SLC16A8: variants seen among roughly 807,000 people sequenced by gnomAD.
SLC16A8 encodes monocarboxylate transporter 3.
SLC16A8 carries 20 observed loss-of-function variants against 22.4 expected under a neutral mutation model. The ratio of observed to expected loss-of-function variants is 0.89; its 90% CI spans 0.63 to 1.30. The LOEUF (loss-of-function observed/expected upper bound fraction) is 1.30. Among genes scored for constraint, SLC16A8 ranks in the 50% most tolerant of loss-of-function variants. The probability of loss-of-function intolerance (pLI) is 0.00; values close to 1 mark genes in which losing one functional copy is unlikely to be tolerated. For synonymous variants in SLC16A8, 393 were observed against 358.8 expected, an observed-to-expected ratio of 1.10 and a Z score of -1.08; for missense variants, 817 against 740.3, an observed-to-expected ratio of 1.10 and a Z score of -1.20.
chr22:38,078,277 C>T lies in SLC16A8; in HGVS notation c.*111G>A, dbSNP rs1034878993. On this transcript the variant is annotated 3_prime_UTR_variant, in exon 6 of 6. Transcript: ENST00000681075. Reference sequence around the variant, plus strand: ...CCCAGGGGATCAACTGGAGCCCAGACGTGGACCCCGGGAGTGACCACCCCA... The same window carrying T: ...CCCAGGGGATCAACTGGAGCCCAGATGTGGACCCCGGGAGTGACCACCCCA... 14 of 1,022,474 alleles carry T rather than the reference C, an allele frequency of 1.4e-5. No individual in the cohort carries two copies. The highest frequency in any genetic ancestry group is 6.8e-5 in the Admixed American group (3 of 44,016). 63.3% of individuals were successfully genotyped at this position (1,022,474 alleles called of 1,614,324 possible). A position where few individuals can be genotyped will look rare whatever the true frequency, so the allele number is the denominator to read the frequency against.
chr22:38,082,827 C>A lies in SLC16A8; in HGVS notation c.47G>T (p.Gly16Val). 1.3e-6 allele frequency: 2 copies of A among 1,579,198 alleles called. No homozygotes were observed. Among genetic ancestry groups the A allele is most frequent in the Non-Finnish European group, 1.7e-6 (2 of 1,167,192 alleles). Residue 16 changes from glycine to valine, a missense_variant, in exon 3 of 6, where the codon GGC becomes GTC. By Grantham distance (109) the Gly-to-Val change is moderately radical. Coordinates refer to ENST00000681075, the MANE Select transcript of SLC16A8 (RefSeq NM_013356.3). ...GGCGCCCAGCACCACCCAGCCCCAG[C>A]CGCCGTCTGGGGGGCCCTCGCCCCG... ...PRRGEGPPDG[G>V]WGWVVLGACF...
At chr22:38,080,706 GC>G in intron 5 of SLC16A8, 133 bp downstream of exon 5, 2 of 1,240,024 alleles carry the variant, frequency 1.6e-6, no homozygotes, top group South Asian at 3.2e-5. Context: ...GGACTAACTG[GC>G]CGTGAAGGGG....
At chr22:38,078,768 G>T in intron 5 of SLC16A8, 64 bp from the exon 6 acceptor site, 1 of 1,451,694 alleles carries the variant, frequency 6.9e-7, no homozygotes, top group Non-Finnish European at 9.4e-7. Context: ...TCACTCTCCT[G>T]CACTCTCAGG....
chr22:38,082,729 C>A lies in SLC16A8; in HGVS notation c.145G>T (p.Asp49Tyr). ...VSVFFRALMR[D>Y]FDAGYSDTAW... ...GTGTCGCTGTAGCCGGCGTCGAAGT[C>A]GCGCATGAGCGCGCGGAAGAAGACG... is the stretch of plus-strand genomic sequence containing the variant. The change falls in exon 3 of 6, where the codon GAC (aspartate) becomes TAC (tyrosine). Residue 49 changes from aspartate to tyrosine, a missense_variant. Asp to Tyr is a radical substitution (Grantham distance 160). Coordinates refer to ENST00000681075, the MANE Select transcript of SLC16A8 (RefSeq NM_013356.3). 1 of 1,591,050 alleles carries A rather than the reference C, an allele frequency of 6.3e-7. No individual in the cohort carries two copies. The highest frequency in any genetic ancestry group is 8.5e-7 in the Non-Finnish European group (1 of 1,170,916).
chr22:38,082,524 T>TAA lies in SLC16A8; in HGVS notation c.214+135_214+136insTT, dbSNP rs2085934073. 5 of 753,996 alleles carry TAA rather than the reference T, an allele frequency of 6.6e-6. No individual in the cohort carries two copies. In the African/African-American group the frequency reaches 8.8e-5, roughly 13 times the overall value. 46.7% of individuals were successfully genotyped at this position (753,996 alleles called of 1,614,324 possible). On this transcript the variant is annotated intron_variant, in intron 3 of 5. Transcript: ENST00000681075. ...CCGCCCTCTCTTCCCCTCTTTCTGG[T>TAA]GCCAGGGTTCCCACAGGCAGGAAGG...
In SLC16A8 at chr22:38,078,425, A is replaced by G. The variant is rs745707368; in HGVS notation, c.1478T>C (p.Ile493Thr). ...GGCAGCCAGCCTCGGCCTCGCCTCT[A>G]TTTCTGGTTCTGTGGGCTCGCCCCG... is the stretch of plus-strand genomic sequence containing the variant. Reference protein sequence around the residue: ...SARGEPTEPEIEARPRLAAES... With the variant: ...SARGEPTEPETEARPRLAAES... Residue 493 changes from isoleucine (I) to threonine (T), a missense_variant, in exon 6 of 6, where the codon ATA (isoleucine) becomes ACA (threonine). Coordinates refer to ENST00000681075, the MANE Select transcript of SLC16A8 (RefSeq NM_013356.3). 1.3e-5 allele frequency: 21 copies of G among 1,609,252 alleles called. No individual in the cohort carries two copies. The highest frequency in any genetic ancestry group is 8.8e-5 in the South Asian group (8 of 91,052).
chr22:38,081,453 C>T lies in SLC16A8; in HGVS notation c.585G>A (p.Arg195=). 2 of 1,308,698 alleles carry T rather than the reference C, an allele frequency of 1.5e-6. No homozygotes were observed. Among genetic ancestry groups the T allele is most frequent in the South Asian group, 2.3e-5 (1 of 43,484 alleles). 81.1% of individuals were successfully genotyped at this position (1,308,698 alleles called of 1,614,324 possible). A position where few individuals can be genotyped will look rare whatever the true frequency, so the allele number is the denominator to read the frequency against. Residue 195 remains arginine (R), a synonymous_variant, in exon 5 of 6, where the codon AGG becomes AGA. Coordinates refer to ENST00000681075, the MANE Select transcript of SLC16A8 (RefSeq NM_013356.3). ...LHCCACGAVM[R]PPPGPGPRPR... is the part of the protein sequence containing the mutation. ...GTCGCGGGCCCGGCCCGGGCGGCGG[C>T]CTCATGACAGCCCCGCAGGCGCAGC...
At chr22:38,081,726 C>G (rs1439759985) in intron 4 of SLC16A8, 47 bp from the exon 5 acceptor site, 4 of 1,463,680 alleles carry the variant, frequency 2.7e-6, no homozygotes, top group Middle Eastern at 1.8e-4. Flanking sequence ...GAGCCCCTCC[C>G]TGGCCCCCAC....
rs140740838 is a variant in SLC16A8, at chr22:38,078,443, TCGCCCCGGGCG to T, written c.1449_1459del (p.Ser483ArgfsTer30). ...CGCCTCTATTTCTGGTTCTGTGGGC[TCGCCCCGGGCG>T]CTGAGCACCTCCAGGGCCTCCAGGT... On this transcript the variant is annotated frameshift_variant, in exon 6 of 6. Coordinates refer to ENST00000681075, the MANE Select transcript of SLC16A8 (RefSeq NM_013356.3). LOFTEE classifies it low-confidence loss of function (END_TRUNC). 1,120 of 1,612,058 alleles carry T rather than the reference TCGCCCCGGGCG, an allele frequency of 6.9e-4. 11 individuals are homozygous for T. In the African/African-American group the frequency reaches 0.014, roughly 20 times the overall value.
At chr22:38,082,595 G>C in intron 3 of SLC16A8, 65 bp downstream of exon 3, 1 of 1,361,398 alleles carries the variant, frequency 7.3e-7, no homozygotes, top group Non-Finnish European at 9.9e-7. Context: ...TCAGGGGCTC[G>C]GGTGTCTCCT....
chr22:38,078,961 T>C (rs1488141936), intron 5 of SLC16A8, among the ~76,000 whole-genome samples: 1 of 152,204 alleles, frequency 6.6e-6, no homozygotes, highest in African/African-American at 2.4e-5. Flanking sequence ...AGGCGTCCCC[T>C]CCACCCTCTG....
Position 38,082,814 on chromosome 22 carries a change from C to T in SLC16A8, c.60G>A (p.Val20=), listed in dbSNP as rs1026386546. The part of the protein sequence containing the change: ...EGPPDGGWGW[V]VLGACFVVTG... ...TGACCACAAAGCAGGCGCCCAGCAC[C>T]ACCCAGCCCCAGCCGCCGTCTGGGG... The change falls in exon 3 of 6, where the codon GTG becomes GTA. Residue 20 remains valine, a synonymous_variant. Coordinates refer to ENST00000681075, the MANE Select transcript of SLC16A8 (RefSeq NM_013356.3). 7 of 1,585,660 alleles carry T rather than the reference C, an allele frequency of 4.4e-6. No individual in the cohort carries two copies. The highest frequency in any genetic ancestry group is 6.0e-6 in the Non-Finnish European group (7 of 1,170,260).
At position 38,081,297 on chromosome 22, in the gene SLC16A8, C is replaced by T. The variant is rs1350382856; in HGVS notation, c.741G>A (p.Val247=). Reference sequence around the variant, plus strand: ...ACACGGCGAAGGCGCGGTCGGTGCACACTGCCAAGTCCAGCAGGCGCCGGC... The same window carrying T: ...ACACGGCGAAGGCGCGGTCGGTGCATACTGCCAAGTCCAGCAGGCGCCGGC... ...RPRRRLLDLA[V]CTDRAFAVYA... is the part of the protein sequence containing the mutation. Residue 247 remains valine, a synonymous_variant, in exon 5 of 6, where the codon GTG becomes GTA. Coordinates refer to ENST00000681075, the MANE Select transcript of SLC16A8 (RefSeq NM_013356.3). The T allele has an allele frequency of 1.5e-5, 24 of 1,560,106 alleles. No homozygotes were observed. Among genetic ancestry groups the T allele is most frequent in the Non-Finnish European group, 2.1e-5 (24 of 1,152,188 alleles).
At position 38,080,714 on chromosome 22, in the gene SLC16A8, G is replaced by C. The variant is rs193128314; in HGVS notation, c.1198+126C>G. ...GGAGGAGGGACTAACTGGCCGTGAAGGGGAGTCCACCCACCCGACTGCCCC... is the reference window on the plus strand; with the variant it reads ...GGAGGAGGGACTAACTGGCCGTGAACGGGAGTCCACCCACCCGACTGCCCC... On this transcript the variant is annotated intron_variant, in intron 5 of 5. Transcript: ENST00000681075. 50 of 1,303,780 alleles carry C rather than the reference G, an allele frequency of 3.8e-5. No homozygotes were observed. The Admixed American group carries it at 1.5e-3, about 39-fold the overall frequency. The allele number at this position is 1,303,780 out of a possible 1,614,324, so 80.8% of individuals were successfully genotyped here.
At chr22:38,078,862 C>A (rs1283365129) in intron 5 of SLC16A8, among the ~76,000 whole-genome samples, 158 bp from the exon 6 acceptor site, 8 of 152,222 alleles carry the variant, frequency 5.3e-5, no homozygotes, top group Non-Finnish European at 1.5e-5. Flanking sequence ...AGATGTAAAA[C>A]CTCATGTGGA....
At position 38,081,175 on chromosome 22, in the gene SLC16A8, G is replaced by C. The variant is rs961604276; in HGVS notation, c.863C>G (p.Ala288Gly). The part of the protein sequence containing the change: ...AKDAGVPDTD[A>G]AFLLSIVGFV... ...GCCCACGATGGACAGCAGGAAGGCG[G>C]CGTCGGTGTCGGGCACGCCCGCGTC... The change falls in exon 5 of 6, where the codon GCC (alanine) becomes GGC (glycine). Residue 288 changes from alanine to glycine, a missense_variant. By Grantham distance (60) the Ala-to-Gly change is moderately conservative. Transcript: ENST00000681075. 6.4e-7 allele frequency: 1 copy of C among 1,553,832 alleles called. No individual in the cohort carries two copies. The highest frequency in any genetic ancestry group is 1.2e-5 in the South Asian group (1 of 84,596).
rs968099684 is a variant in SLC16A8, at chr22:38,080,783, G to A, written c.1198+57C>T. 4 of 1,432,108 alleles carry A rather than the reference G, an allele frequency of 2.8e-6. No homozygotes were observed. In the African/African-American group the frequency reaches 5.8e-5, roughly 21 times the overall value. 88.7% of individuals were successfully genotyped at this position (1,432,108 alleles called of 1,614,324 possible). A position where few individuals can be genotyped will look rare whatever the true frequency, so the allele number is the denominator to read the frequency against. ...GTTCCATCTGAGACAGGGGGATGGA[G>A]CTTCCCTGGGTCTAAGGGGCACTAG... is the stretch of plus-strand genomic sequence containing the variant. On this transcript the variant is annotated intron_variant, in intron 5 of 5. Transcript: ENST00000681075.
intron 3 of SLC16A8, among the ~76,000 whole-genome samples, chr22:38,082,322 C>CA (rs1179974159): frequency 6.6e-6 from 1 of 152,248 alleles, no homozygotes; most frequent in Non-Finnish European, 1.5e-5. Flanking sequence ...CCCCGCCTCC[C>CA]AGGATGGGAA....
At chr22:38,079,454 T>A (rs2085888065) in intron 5 of SLC16A8, among the ~76,000 whole-genome samples, 1 of 152,068 alleles carries the variant, frequency 6.6e-6, no homozygotes, top group Non-Finnish European at 1.5e-5. Flanking sequence ...AGGGTCTCAC[T>A]CCATTGGCCC....
Sources: allele counts gnomAD v4.1 joint callset (sites outside exome capture counted in the v4.1 genomes callset), GRCh38; gene constraint gnomAD v4.1.1; transcripts MANE v1.5; gene names NCBI Gene and HGNC (gene_info 2026-07-23, HGNC 2026-07-21).